The following CDH18 variants were observed in gnomAD, a reference collection of about 807,000 sequenced individuals.
The protein encoded by CDH18 is cadherin 18.
A neutral mutation model predicts 67.9 loss-of-function variants in CDH18; 31 were observed. The ratio of observed to expected loss-of-function variants is 0.46; its 90% CI spans 0.34 to 0.62. The LOEUF (loss-of-function observed/expected upper bound fraction) is 0.62. Among genes scored for constraint, CDH18 ranks in the 20% least tolerant of loss-of-function variants. The pLI, the probability that CDH18 is intolerant of heterozygous loss-of-function variation, is 0.01. For synonymous variants in CDH18, 362 were observed against 347.2 expected, an observed-to-expected ratio of 1.04 and a Z score of -0.48; for missense variants, 890 against 975.5, an observed-to-expected ratio of 0.91 and a Z score of 1.17.
At chr5:20,033,044 A>G (rs2150455945) in intron 2 of CDH18, among the ~76,000 whole-genome samples, 1 of 152,092 alleles carries the variant, frequency 6.6e-6, no homozygotes, top group African/African-American at 2.4e-5. Flanking sequence ...TTATCTCCCA[A>G]TATTTTCCTT....
intron 2 of CDH18, among the ~76,000 whole-genome samples, chr5:19,855,489 A>T (rs1387087646): frequency 6.6e-6 from 1 of 151,698 alleles, no homozygotes; most frequent in Non-Finnish European, 1.5e-5. Context: ...ATTTTATTTT[A>T]TTTTTTTTCT....
intron 5 of CDH18, among the ~76,000 whole-genome samples, chr5:19,703,473 C>T (rs112261902): frequency 2.0e-5 from 3 of 152,116 alleles, no homozygotes; most frequent in South Asian, 2.1e-4. Flanking sequence ...AAAGCTAAAG[C>T]GGCAAAGGAG....
At chr5:19,908,841 C>T (rs907513420) in intron 2 of CDH18, among the ~76,000 whole-genome samples, 7 of 152,100 alleles carry the variant, frequency 4.6e-5, no homozygotes, top group African/African-American at 1.7e-4. Context: ...TGGTAAACTG[C>T]AGGTTTCCCT....
At chr5:20,331,972 T>A (rs2150026944) in intron 1 of CDH18, among the ~76,000 whole-genome samples, 1 of 152,292 alleles carries the variant, frequency 6.6e-6, no homozygotes, top group African/African-American at 2.4e-5. Context: ...TCAAGCATGC[T>A]TCTCTAAAGG....
At chr5:20,151,908 A>C (rs530566822) in intron 2 of CDH18, among the ~76,000 whole-genome samples, 2 of 151,632 alleles carry the variant, frequency 1.3e-5, no homozygotes, top group South Asian at 4.2e-4. Flanking sequence ...AAGTGTTAGC[A>C]ATTAGTAGTT....
intron 1 of CDH18, among the ~76,000 whole-genome samples, chr5:20,543,622 A>G (rs567179260): frequency 4.6e-5 from 7 of 152,244 alleles, no homozygotes; most frequent in South Asian, 4.1e-4. Flanking sequence ...ATGTAGGATT[A>G]ATATTTTACC....
chr5:19,499,910 C>T (rs561650165), intron 11 of CDH18, among the ~76,000 whole-genome samples: 4 of 152,148 alleles, frequency 2.6e-5, no homozygotes, highest in South Asian at 4.2e-4. Context: ...ATCCTGGTTT[C>T]GGGGCTATGT....
chr5:19,736,410 G>A (rs750752400), intron 4 of CDH18, among the ~76,000 whole-genome samples: 2 of 151,998 alleles, frequency 1.3e-5, no homozygotes, highest in East Asian at 1.9e-4. Context: ...CTTCACAGGT[G>A]GGGGAGACAT....
chr5:20,369,946 T>G (rs1742838167), intron 1 of CDH18, among the ~76,000 whole-genome samples: 1 of 152,022 alleles, frequency 6.6e-6, no homozygotes, highest in African/African-American at 2.4e-5. Context: ...GCTACGGTGG[T>G]TTGCTGCACA....
intron 2 of CDH18, among the ~76,000 whole-genome samples, chr5:19,960,078 T>C (rs927878001): frequency 6.6e-6 from 1 of 152,078 alleles, no homozygotes; most frequent in Non-Finnish European, 1.5e-5. Context: ...ATGACATTAC[T>C]CTACACTACT....
intron 5 of CDH18, among the ~76,000 whole-genome samples, chr5:19,646,391 G>A (rs994767979): frequency 6.6e-6 from 1 of 152,152 alleles, no homozygotes; most frequent in Non-Finnish European, 1.5e-5. Context: ...CCAGGCTGGA[G>A]TGCAGTGGTG....
At chr5:19,760,725 T>G (rs1430552547) in intron 3 of CDH18, among the ~76,000 whole-genome samples, 1 of 152,188 alleles carries the variant, frequency 6.6e-6, no homozygotes, top group Non-Finnish European at 1.5e-5. Context: ...TGTCACAATC[T>G]CAACCTCACC....
At chr5:20,488,269 T>C (rs942437401) in intron 1 of CDH18, among the ~76,000 whole-genome samples, 9 of 152,224 alleles carry the variant, frequency 5.9e-5, no homozygotes, top group South Asian at 4.1e-4. Flanking sequence ...TTCACCTAGG[T>C]CCATACATAC....
At chr5:19,962,505 G>A (rs1797024815) in intron 2 of CDH18, among the ~76,000 whole-genome samples, 1 of 151,842 alleles carries the variant, frequency 6.6e-6, no homozygotes, top group Non-Finnish European at 1.5e-5. Flanking sequence ...GGGGCGTGGT[G>A]GCTCATGCCT....
intron 2 of CDH18, among the ~76,000 whole-genome samples, chr5:20,148,492 A>G (rs1476294029): frequency 2.0e-5 from 3 of 152,200 alleles, no homozygotes; most frequent in Non-Finnish European, 4.4e-5. Context: ...TTATACAAAT[A>G]TCTGAAGACT....
At chr5:19,795,899 A>T (rs1317105378) in intron 3 of CDH18, among the ~76,000 whole-genome samples, 10 of 152,148 alleles carry the variant, frequency 6.6e-5, no homozygotes, top group Admixed American at 2.6e-4. Flanking sequence ...AAGTTATTTT[A>T]AAAATAACTA....
intron 2 of CDH18, among the ~76,000 whole-genome samples, chr5:19,938,434 T>G (rs939128014): frequency 2.6e-5 from 4 of 151,448 alleles, no homozygotes; most frequent in African/African-American, 7.3e-5. Flanking sequence ...GTTAGACACC[T>G]TCTCATAAAA....
At chr5:19,973,691 T>C (rs1021841715) in intron 2 of CDH18, among the ~76,000 whole-genome samples, 8 of 152,078 alleles carry the variant, frequency 5.3e-5, no homozygotes, top group African/African-American at 1.9e-4. Flanking sequence ...ATAAAAAATA[T>C]GAGAGAAGGA....
chr5:20,562,585 A>G (rs889911023), intron 1 of CDH18, among the ~76,000 whole-genome samples: 15 of 151,750 alleles, frequency 9.9e-5, no homozygotes, highest in African/African-American at 3.6e-4. Flanking sequence ...ATATTCTAAT[A>G]TATCTTATAA....
Sources: allele counts gnomAD v4.1 joint callset (sites outside exome capture counted in the v4.1 genomes callset), GRCh38; gene constraint gnomAD v4.1.1; transcripts MANE v1.5; gene names NCBI Gene and HGNC (gene_info 2026-07-23, HGNC 2026-07-21).